Variants in MTUS2 observed in about 807,000 individuals in gnomAD.
The protein encoded by MTUS2 is microtubule-associated tumor suppressor candidate 2.
Under a neutral mutation model 114.1 loss-of-function variants are expected in MTUS2, and 40 were observed. That is an observed-to-expected ratio of 0.35 (90% confidence interval 0.27 to 0.46). MTUS2 has a LOEUF of 0.46. Ranked by LOEUF, MTUS2 falls within the 20% of genes least tolerant of loss-of-function variation. The pLI is 1.00. For synonymous variants in MTUS2, 688 were observed against 672.0 expected, an observed-to-expected ratio of 1.02 and a Z score of -0.37; for missense variants, 1,679 against 1,705.4, an observed-to-expected ratio of 0.98 and a Z score of 0.27.
chr13:29,427,666 A>G (rs372834440), intron 8 of MTUS2, among the ~76,000 whole-genome samples: 2 of 152,222 alleles, frequency 1.3e-5, no homozygotes, highest in Non-Finnish European at 1.5e-5. Context: ...CTCTGAGCCT[A>G]TACTACTTAA....
intron 7 of MTUS2, among the ~76,000 whole-genome samples, chr13:29,355,342 C>G (rs1283581019): frequency 6.6e-6 from 1 of 152,050 alleles, no homozygotes; most frequent in African/African-American, 2.4e-5. Flanking sequence ...TGGATTCTAT[C>G]TTCTCCTAAC....
At chr13:29,287,371 C>G (rs1382100613) in intron 6 of MTUS2, among the ~76,000 whole-genome samples, 1 of 152,202 alleles carries the variant, frequency 6.6e-6, no homozygotes, top group Non-Finnish European at 1.5e-5. Context: ...GTGGGGATGC[C>G]TTAACCTCTG....
chr13:29,215,544 T>C (rs190082657), intron 5 of MTUS2, among the ~76,000 whole-genome samples: 82 of 151,146 alleles, frequency 5.4e-4, no homozygotes, highest in African/African-American at 1.8e-3. Context: ...GCTCATGACC[T>C]TTAGATGGGG....
intron 2 of MTUS2, among the ~76,000 whole-genome samples, chr13:29,014,247 TCA>T: frequency 6.6e-6 from 1 of 152,220 alleles, no homozygotes. Context: ...TTTGAGTAAT[TCA>T]CACAGTTGCT....
intron 6 of MTUS2, 29 bp from the exon 7 acceptor site, chr13:29,324,584 A>C: frequency 6.7e-7 from 1 of 1,503,640 alleles, no homozygotes; most frequent in Non-Finnish European, 9.1e-7. Flanking sequence ...CTTACTTTCT[A>C]CCTATTTCTC....
rs1880436406 is a variant in MTUS2 at position 28,911,616 on chromosome 13, C to T, written c.-243+71766C>T. Reference sequence around the variant, plus strand: ...CAATGGTTGAACTAATCTACACTCCCATCTACAGAGTAAAAGCTTTCCTTT... The same window carrying T: ...CAATGGTTGAACTAATCTACACTCCTATCTACAGAGTAAAAGCTTTCCTTT... On this transcript the variant is annotated intron_variant, in intron 2 of 15. Transcript: ENST00000612955. Among the ~76,000 whole-genome samples the T allele has an allele frequency of 2.6e-5, 4 of 152,248 alleles. No individual in the cohort carries two copies. The South Asian group carries it at 8.3e-4, about 32-fold the overall frequency.
intron 9 of MTUS2, chr13:29,476,727 A>G (rs367839443): frequency 7.9e-5 from 12 of 152,328 alleles, no homozygotes; most frequent in African/African-American, 2.6e-4. Context: ...TTTGAAAGAT[A>G]TCTTTTCCCT....
At chr13:29,200,594 C>T (rs143966571) in intron 5 of MTUS2, among the ~76,000 whole-genome samples, 11 of 132,028 alleles carry the variant, frequency 8.3e-5, no homozygotes, top group African/African-American at 2.9e-4. Flanking sequence ...GATCTCAGCT[C>T]ACTGCACCCT....
chr13:29,407,016 C>T (rs1447892449), intron 8 of MTUS2, among the ~76,000 whole-genome samples: 2 of 152,158 alleles, frequency 1.3e-5, no homozygotes, highest in African/African-American at 4.8e-5. Context: ...GAGGCCAAAG[C>T]GGGTGATCAC....
intron 5 of MTUS2, among the ~76,000 whole-genome samples, chr13:29,272,803 G>T (rs1044805442): frequency 9.9e-5 from 15 of 152,158 alleles, no homozygotes; most frequent in South Asian, 2.1e-4. Context: ...TTTTCTTTGT[G>T]CTGCTATAAC....
At chr13:29,220,528 G>A (rs779856468) in intron 5 of MTUS2, among the ~76,000 whole-genome samples, 1 of 152,140 alleles carries the variant, frequency 6.6e-6, no homozygotes, top group South Asian at 2.1e-4. Context: ...TTTCAATATT[G>A]TTGTGCCTTG....
chr13:28,960,206 C>T (rs1227426255), intron 2 of MTUS2, among the ~76,000 whole-genome samples: 1 of 152,078 alleles, frequency 6.6e-6, no homozygotes, highest in Non-Finnish European at 1.5e-5. Flanking sequence ...ACTAGGATGG[C>T]TATAATAAAA....
At chr13:29,042,143 C>G (rs2479765) in intron 4 of MTUS2, among the ~76,000 whole-genome samples, 2 of 152,116 alleles carry the variant, frequency 1.3e-5, no homozygotes, top group East Asian at 1.9e-4. Context: ...ATGTCCTTTC[C>G]GTGCTGATTT....
chr13:28,988,173 G>A (rs1884673134), intron 2 of MTUS2, among the ~76,000 whole-genome samples: 1 of 152,226 alleles, frequency 6.6e-6, no homozygotes, highest in Non-Finnish European at 1.5e-5. Context: ...GGGAACTTCT[G>A]TTTCTGGGAC....
intron 4 of MTUS2, among the ~76,000 whole-genome samples, chr13:29,087,528 T>A (rs1294777931): frequency 1.3e-5 from 2 of 152,194 alleles, no homozygotes; most frequent in Admixed American, 1.3e-4. Flanking sequence ...GATTTTTGCA[T>A]CTATGTTCAT....
At chr13:28,820,221 T>TCCGGTCCCCGGCTGCG (rs1317143430), upstream of MTUS2, 3 of 145,688 alleles carry the variant, frequency 2.1e-5, no homozygotes, top group Admixed American at 2.0e-4. Context: ...TGCGGGCGGC[T>TCCGGTCCCCGGCTGCG]CCGGTCCCCG....
At chr13:29,028,111 G>A (rs750077513) in intron 3 of MTUS2, among the ~76,000 whole-genome samples, 4 of 143,670 alleles carry the variant, frequency 2.8e-5, no homozygotes, top group Non-Finnish European at 4.4e-5. Context: ...CCCAGCATTT[G>A]GGAAGCCGAG....
At chr13:29,052,459 CAAAA>C (rs11325314) in intron 4 of MTUS2, among the ~76,000 whole-genome samples, 5 of 94,846 alleles carry the variant, frequency 5.3e-5, no homozygotes, top group Admixed American at 2.3e-4. Context: ...CTAGCCTGAG[CAAAA>C]AAAAAAAAAA....
chr13:29,481,989 T>C (rs1881221305), intron 10 of MTUS2: 1 of 152,206 alleles, frequency 6.6e-6, no homozygotes, highest in African/African-American at 2.4e-5. Context: ...GTCTACAGTC[T>C]TACTCATTTT....
Sources: allele counts gnomAD v4.1 joint callset (sites outside exome capture counted in the v4.1 genomes callset), GRCh38; gene constraint gnomAD v4.1.1; transcripts MANE v1.5; gene names NCBI Gene and HGNC (gene_info 2026-07-23, HGNC 2026-07-21).